IKZF1: variants seen among roughly 807,000 people sequenced by gnomAD.
IKZF1 encodes the protein DNA-binding protein Ikaros.
A neutral mutation model predicts 51.7 loss-of-function variants in IKZF1; 10 were observed. That is an observed-to-expected ratio of 0.19 (90% CI 0.12 to 0.33). The LOEUF (loss-of-function observed/expected upper bound fraction) is 0.33. Among genes scored for constraint, IKZF1 ranks in the 10% least tolerant of loss-of-function variants. IKZF1 has a pLI of 1.00. For synonymous variants in IKZF1, 280 were observed against 282.3 expected, an observed-to-expected ratio of 0.99 and a Z score of 0.08; for missense variants, 484 against 707.5, an observed-to-expected ratio of 0.68 and a Z score of 3.58.
chr7:50,323,785 A>G (rs1794078540), intron 2 of IKZF1, among the ~76,000 whole-genome samples: 1 of 152,224 alleles, frequency 6.6e-6, no homozygotes, highest in Non-Finnish European at 1.5e-5. Context: ...TTATGTTTCT[A>G]TGTGCATATA....
intron 3 of IKZF1, among the ~76,000 whole-genome samples, chr7:50,359,688 G>T (rs1453457138): frequency 6.6e-6 from 1 of 152,230 alleles, no homozygotes; most frequent in African/African-American, 2.4e-5. Context: ...GTACACATGT[G>T]TGTGCACCAG....
intron 5 of IKZF1, among the ~76,000 whole-genome samples, chr7:50,382,944 C>T (rs1812275878): frequency 6.6e-6 from 1 of 152,150 alleles, no homozygotes; most frequent in East Asian, 1.9e-4. Context: ...CATACACACA[C>T]AGAAGTCTCA....
intron 3 of IKZF1, among the ~76,000 whole-genome samples, chr7:50,329,422 T>A (rs1795925253): frequency 6.6e-6 from 1 of 152,256 alleles, no homozygotes; most frequent in African/African-American, 2.4e-5. Context: ...ATGTTTCATT[T>A]TAATTTATGT....
At chr7:50,327,964 CCA>C in intron 3 of IKZF1, 1 of 557,494 alleles carries the variant, frequency 1.8e-6, no homozygotes. Flanking sequence ...GCCGTGAGAG[CCA>C]CACACCCCGC....
chr7:50,359,058 C>T (rs1377031567), intron 3 of IKZF1, among the ~76,000 whole-genome samples: 3 of 152,056 alleles, frequency 2.0e-5, no homozygotes, highest in African/African-American at 4.8e-5. Context: ...TCAGGAGTTT[C>T]AGACCAACCT....
intron 3 of IKZF1, chr7:50,369,387 G>A: frequency 5.0e-6 from 2 of 396,244 alleles, no homozygotes; most frequent in East Asian, 7.1e-5. Context: ...CGCTGCATGT[G>A]AAGATGTGTT....
At chr7:50,306,177 A>T (rs1387972292) in intron 1 of IKZF1, among the ~76,000 whole-genome samples, 1 of 152,258 alleles carries the variant, frequency 6.6e-6, no homozygotes, top group Admixed American at 6.5e-5. Flanking sequence ...AATGCAGAAC[A>T]AGTTAAAGAA....
intron 1 of IKZF1, among the ~76,000 whole-genome samples, chr7:50,311,402 T>TA (rs1790141285): frequency 6.6e-6 from 1 of 152,256 alleles, no homozygotes; most frequent in African/African-American, 2.4e-5. Flanking sequence ...TAATGGTAGA[T>TA]ACTGTATCTA....
At chr7:50,318,112 C>T (rs1792049325) in intron 1 of IKZF1, among the ~76,000 whole-genome samples, 1 of 152,070 alleles carries the variant, frequency 6.6e-6, no homozygotes, top group Non-Finnish European at 1.5e-5. Context: ...AGCTGTCATC[C>T]ACTTTGGGGC....
chr7:50,336,253 C>CGG (rs1797753769), intron 3 of IKZF1, among the ~76,000 whole-genome samples: 1 of 147,616 alleles, frequency 6.8e-6, no homozygotes, highest in Admixed American at 6.7e-5. Context: ...CTGGCCCCGG[C>CGG]GGGGGCAGGG....
chr7:50,319,695 T>C (rs1182943575), intron 2 of IKZF1, among the ~76,000 whole-genome samples: 1 of 152,174 alleles, frequency 6.6e-6, no homozygotes, highest in African/African-American at 2.4e-5. Context: ...CCCCAGTGCA[T>C]GGACATAGGA....
At chr7:50,312,118 A>T (rs184686697) in intron 1 of IKZF1, among the ~76,000 whole-genome samples, 26 of 152,344 alleles carry the variant, frequency 1.7e-4, no homozygotes, top group African/African-American at 6.3e-4. Context: ...GTAAGAGGGC[A>T]GAAGAAAATG....
At chr7:50,312,284 G>C (rs1193651667) in intron 1 of IKZF1, among the ~76,000 whole-genome samples, 1 of 152,184 alleles carries the variant, frequency 6.6e-6, no homozygotes, top group African/African-American at 2.4e-5. Flanking sequence ...CTTCTACCAT[G>C]GCGGCTCAAT....
intron 1 of IKZF1, among the ~76,000 whole-genome samples, chr7:50,311,307 A>G (rs1790106495): frequency 6.6e-6 from 1 of 152,248 alleles, no homozygotes; most frequent in Non-Finnish European, 1.5e-5. Context: ...ATGTGCAACA[A>G]TGAATCCCCT....
chr7:50,354,901 G>A (rs1802863452), intron 3 of IKZF1, among the ~76,000 whole-genome samples: 1 of 152,108 alleles, frequency 6.6e-6, no homozygotes, highest in Non-Finnish European at 1.5e-5. Flanking sequence ...TGATGCATTT[G>A]GACAGCATCA....
chr7:50,313,479 C>CA (rs1348011079), intron 1 of IKZF1, among the ~76,000 whole-genome samples: 1 of 152,184 alleles, frequency 6.6e-6, no homozygotes, highest in Non-Finnish European at 1.5e-5. Flanking sequence ...CAGAGTATTA[C>CA]AAAGATCATG....
rs1410432480 is a variant in IKZF1 at position 50,390,158 on chromosome 7, G to A, written c.716-1571G>A. Reference sequence around the variant, plus strand: ...AATGACAGAGCAGCCTGTGACTCGCGAGCATCAGGCTCACTTGTTCCTTGC... The same window carrying A: ...AATGACAGAGCAGCCTGTGACTCGCAAGCATCAGGCTCACTTGTTCCTTGC... On this transcript the variant is annotated intron_variant, in intron 6 of 7. Coordinates refer to ENST00000331340, the MANE Select transcript of IKZF1 (RefSeq NM_006060.6). Among the ~76,000 whole-genome samples, 4 of 152,152 alleles carry A rather than the reference G, an allele frequency of 2.6e-5. No homozygotes were observed. In the East Asian group the frequency reaches 5.8e-4, roughly 22 times the overall value.
intron 1 of IKZF1, among the ~76,000 whole-genome samples, chr7:50,317,505 A>G (rs1300334888): frequency 6.6e-6 from 1 of 152,158 alleles, no homozygotes; most frequent in Non-Finnish European, 1.5e-5. Context: ...TGCTGGTCAC[A>G]TGCTTGCATC....
intron 3 of IKZF1, among the ~76,000 whole-genome samples, chr7:50,338,518 G>C (rs1482791732): frequency 2.0e-5 from 3 of 152,294 alleles, no homozygotes; most frequent in Admixed American, 6.5e-5. Context: ...GGAAAAAAAG[G>C]CTGGGGGGTT....
Sources: gnomAD v4.1 joint callset for allele counts (sites outside exome capture counted in the v4.1 genomes callset) on GRCh38, gnomAD v4.1.1 for gene constraint, MANE v1.5 for transcripts, NCBI Gene and HGNC (gene_info 2026-07-23, HGNC 2026-07-21) for gene names.